Variants in EPB41L4A observed in about 807,000 individuals in gnomAD.
EPB41L4A encodes erythrocyte membrane protein band 4.1 like 4A.
In EPB41L4A, 100 loss-of-function variants were observed where a neutral mutation model predicts 108.6. That is an observed-to-expected ratio of 0.92 (90% CI 0.78 to 1.09). The LOEUF (loss-of-function observed/expected upper bound fraction) is 1.09, where lower values mean the gene tolerates loss of function less well. Ranked by LOEUF, EPB41L4A falls within the 50% of genes least tolerant of loss-of-function variation. The pLI, the probability that EPB41L4A is intolerant of heterozygous loss-of-function variation, is 0.00. For synonymous variants in EPB41L4A, 319 were observed against 289.0 expected, an observed-to-expected ratio of 1.10 and a Z score of -1.05; for missense variants, 1,030 against 842.7, an observed-to-expected ratio of 1.22 and a Z score of -2.75.
At chr5:112,193,692 G>A (rs1025251704) in intron 17 of EPB41L4A, among the ~76,000 whole-genome samples, 13 of 152,248 alleles carry the variant, frequency 8.5e-5, no homozygotes, top group African/African-American at 3.1e-4. Flanking sequence ...TTTCTCAACA[G>A]TGGCACTACT....
At chr5:112,261,003 A>T (rs1423114126) in intron 7 of EPB41L4A, among the ~76,000 whole-genome samples, 2 of 152,214 alleles carry the variant, frequency 1.3e-5, no homozygotes, top group Non-Finnish European at 2.9e-5. Context: ...CAAATGTAGA[A>T]GCATTTTGCA....
intron 13 of EPB41L4A, among the ~76,000 whole-genome samples, chr5:112,207,591 T>A (rs568681174): frequency 6.6e-6 from 1 of 152,096 alleles, no homozygotes; most frequent in Non-Finnish European, 1.5e-5. Flanking sequence ...AAACAAACAA[T>A]GCCATTAAAA....
chr5:112,349,559 T>A (rs1316977834), intron 1 of EPB41L4A, among the ~76,000 whole-genome samples: 1 of 152,140 alleles, frequency 6.6e-6, no homozygotes, highest in African/African-American at 2.4e-5. Flanking sequence ...GCCATGCAGA[T>A]TTGAGTTTCG....
chr5:112,378,883 C>G (rs1302714406), intron 1 of EPB41L4A, among the ~76,000 whole-genome samples: 1 of 152,190 alleles, frequency 6.6e-6, no homozygotes, highest in Non-Finnish European at 1.5e-5. Flanking sequence ...TGGCTTAAGT[C>G]TAGTTCTAAC....
rs138461517 is a variant in EPB41L4A at position 112,323,596 on chromosome 5, CA to C, written c.100-16107del. 7.1e-3 allele frequency among the ~76,000 whole-genome samples: 1,075 copies of C among 152,288 alleles called. 18 individuals are homozygous for C. The highest frequency in any genetic ancestry group is 0.025 in the African/African-American group (1,049 of 41,562). ...CTCAGTCCCACAAATCTTATTTTATCAAAAACGTTGTCTAATTATATGTCCC... is the reference window on the plus strand; with the variant it reads ...CTCAGTCCCACAAATCTTATTTTATCAAAACGTTGTCTAATTATATGTCCC... On this transcript the variant is annotated intron_variant, in intron 1 of 22. Transcript: ENST00000261486.
Position 112,307,452 on chromosome 5 carries a change from G to A in EPB41L4A, c.138C>T (p.Phe46=), listed in dbSNP as rs2150579461. ...TKGSVVLDHV[F]HHVNLVEIDY... The stretch of plus-strand genomic sequence containing the variant: ...CTATCTCCACAAGGTTTACGTGATG[G>A]AATACGTGGTCAAGGACAACGGAAC... The change falls in exon 2 of 23, where the codon TTC becomes TTT. Residue 46 remains phenylalanine (F), a synonymous_variant. Coordinates refer to ENST00000261486, the MANE Select transcript of EPB41L4A (RefSeq NM_022140.5). 1 of 1,613,180 alleles carries A rather than the reference G, an allele frequency of 6.2e-7. No individual in the cohort carries two copies. The highest frequency in any genetic ancestry group is 8.5e-7 in the Non-Finnish European group (1 of 1,179,328).
At chr5:112,322,494 T>C (rs1334138229) in intron 1 of EPB41L4A, among the ~76,000 whole-genome samples, 1 of 152,262 alleles carries the variant, frequency 6.6e-6, no homozygotes, top group East Asian at 1.9e-4. Flanking sequence ...TAAAGTTCCC[T>C]AAAGTGCCCT....
upstream of EPB41L4A, chr5:112,419,382 C>G: frequency 2.8e-6 from 1 of 359,504 alleles, no homozygotes; most frequent in Non-Finnish European, 5.4e-6. Context: ...ACAAAAGTCT[C>G]CTGGCACTGG....
chr5:112,303,931 A>T (rs553713130), intron 2 of EPB41L4A, among the ~76,000 whole-genome samples: 1 of 152,242 alleles, frequency 6.6e-6, no homozygotes, highest in South Asian at 2.1e-4. Context: ...ACACCCAAAC[A>T]CTGACTGGAA....
intron 5 of EPB41L4A, 34 bp downstream of exon 5, chr5:112,266,199 A>AT: frequency 6.8e-7 from 1 of 1,466,902 alleles, no homozygotes; most frequent in Non-Finnish European, 9.3e-7. Context: ...TTCTCCAGAC[A>AT]TTTCTGAGGC....
chr5:112,309,372 G>T (rs1368500755), intron 1 of EPB41L4A, among the ~76,000 whole-genome samples: 1 of 152,112 alleles, frequency 6.6e-6, no homozygotes, highest in African/African-American at 2.4e-5. Flanking sequence ...ACTCAGGGAC[G>T]TTAAGAACCA....
intron 17 of EPB41L4A, among the ~76,000 whole-genome samples, chr5:112,191,523 C>G (rs1175215388): frequency 2.0e-5 from 3 of 152,126 alleles, no homozygotes; most frequent in Non-Finnish European, 4.4e-5. Flanking sequence ...ATTAACTTTT[C>G]TTTCTCTTCA....
At chr5:112,378,035 C>T (rs1365637502) in intron 1 of EPB41L4A, among the ~76,000 whole-genome samples, 1 of 152,116 alleles carries the variant, frequency 6.6e-6, no homozygotes, top group Non-Finnish European at 1.5e-5. Context: ...AAGATGCAAC[C>T]TTGGTTTTCT....
At chr5:112,242,029 T>C (rs1160658921) in intron 9 of EPB41L4A, among the ~76,000 whole-genome samples, 1 of 152,202 alleles carries the variant, frequency 6.6e-6, no homozygotes, top group Admixed American at 6.5e-5. Context: ...TTTTGGTTGG[T>C]GGAAGGTACT....
chr5:112,250,995 G>A (rs187210685), intron 9 of EPB41L4A, among the ~76,000 whole-genome samples: 138 of 152,240 alleles, frequency 9.1e-4, no homozygotes, highest in African/African-American at 3.1e-3. Flanking sequence ...CACAGTTAGT[G>A]AGCAAGAGAC....
intron 9 of EPB41L4A, among the ~76,000 whole-genome samples, chr5:112,248,740 G>T (rs778693863): frequency 1.3e-5 from 2 of 152,030 alleles, no homozygotes; most frequent in Non-Finnish European, 2.9e-5. Context: ...ATCTACTTTC[G>T]CCTAGCTTCT....
chr5:112,153,132 C>A (rs1188111073), intron 12 of EPB41L4A, among the ~76,000 whole-genome samples: 2 of 151,446 alleles, frequency 1.3e-5, no homozygotes, highest in African/African-American at 4.9e-5. Context: ...GATGGGAGGA[C>A]TGCTTGATCC....
At chr5:112,154,220 C>T (rs1273258320) in intron 12 of EPB41L4A, among the ~76,000 whole-genome samples, 2 of 152,220 alleles carry the variant, frequency 1.3e-5, no homozygotes, top group Admixed American at 1.3e-4. Context: ...GCATTCACAA[C>T]ACTATCCTCC....
chr5:112,218,305 C>A (rs970695737), intron 12 of EPB41L4A, among the ~76,000 whole-genome samples: 13 of 152,152 alleles, frequency 8.5e-5, no homozygotes, highest in Non-Finnish European at 5.9e-5. Context: ...CTCTTGGACC[C>A]AAAGATAACA....
Sources: gnomAD v4.1 joint callset for allele counts (sites outside exome capture counted in the v4.1 genomes callset) on GRCh38, gnomAD v4.1.1 for gene constraint, MANE v1.5 for transcripts, NCBI Gene and HGNC (gene_info 2026-07-23, HGNC 2026-07-21) for gene names.